Variants in TINAGL1 observed in about 807,000 individuals in gnomAD.
TINAGL1 encodes tubulointerstitial nephritis antigen like 1.
TINAGL1 carries 34 observed loss-of-function variants against 62.0 expected under a neutral mutation model. The ratio of observed to expected loss-of-function variants is 0.55; its 90% CI spans 0.42 to 0.73. The LOEUF is 0.73. Ranked by LOEUF, TINAGL1 falls within the 30% of genes least tolerant of loss-of-function variation. The probability of loss-of-function intolerance (pLI) is 0.00; values close to 1 mark genes in which losing one functional copy is unlikely to be tolerated. For missense variants in TINAGL1, 516 were observed against 653.2 expected (o/e 0.79, Z 2.29); for synonymous variants, 221 against 249.7 (o/e 0.88, Z 1.08).
At position 31,577,650 on chromosome 1, in the gene TINAGL1, G is replaced by A. The variant is rs1285459796; in HGVS notation, c.310+192G>A. The A allele has an allele frequency of 3.0e-6, 2 of 672,182 alleles. No individual in the cohort carries two copies. The highest frequency in any genetic ancestry group is 3.6e-5 in the African/African-American group (2 of 55,022). The allele number at this position is 672,182 out of a possible 1,614,324, so 41.6% of individuals were successfully genotyped here. ...AGCTCCTTGGTTAGAATTCTAATTTGGCCCAGGGAAAGGGCAACCTCCCAC... is the reference window on the plus strand; with the variant it reads ...AGCTCCTTGGTTAGAATTCTAATTTAGCCCAGGGAAAGGGCAACCTCCCAC... On this transcript the variant is annotated intron_variant, in intron 2 of 11. Coordinates refer to ENST00000271064, the MANE Select transcript of TINAGL1 (RefSeq NM_022164.3). This position sits in a 1 kb window ranked among gnomAD's most constrained non-coding sequence, Gnocchi z 5.4.
intron 11 of TINAGL1, 27 bp downstream of exon 11, chr1:31,586,782 C>A (rs1416367958): frequency 6.5e-7 from 1 of 1,550,338 alleles, no homozygotes; most frequent in African/African-American, 1.4e-5. Context: ...TTTCCCCGCC[C>A]CCTCTTCCCC....
Position 31,577,954 on chromosome 1 carries a change from G to C in TINAGL1, c.310+496G>C, listed in dbSNP as rs1166044728. 6.6e-6 allele frequency among the ~76,000 whole-genome samples: 1 copy of C among 152,198 alleles called. No individual in the cohort carries two copies. Among genetic ancestry groups the C allele is most frequent in the Non-Finnish European group, 1.5e-5 (1 of 68,048 alleles). On this transcript the variant is annotated intron_variant, in intron 2 of 11. Coordinates refer to ENST00000271064, the MANE Select transcript of TINAGL1 (RefSeq NM_022164.3). The surrounding 1 kb of genome is among the most constrained non-coding windows in gnomAD (Gnocchi z 5.4). ...CTTGCGTTCCTTCCCACAGTTCCATGGGGCTTGGGCCGGCAGACTGCATAC... is the reference window on the plus strand; with the variant it reads ...CTTGCGTTCCTTCCCACAGTTCCATCGGGCTTGGGCCGGCAGACTGCATAC...
chr1:31,581,341 C>T (rs975953040), intron 3 of TINAGL1, among the ~76,000 whole-genome samples: 2 of 152,044 alleles, frequency 1.3e-5, no homozygotes, highest in African/African-American at 2.4e-5. Flanking sequence ...AAGGCAGTGC[C>T]GGGGTCCAGG....
intron 3 of TINAGL1, 54 bp downstream of exon 3, chr1:31,579,321 CTT>C: frequency 6.6e-7 from 1 of 1,522,866 alleles, no homozygotes; most frequent in South Asian, 1.1e-5. Context: ...GGCTGACAGA[CTT>C]GGTTCAAATC....
chr1:31,583,104 C>A lies in TINAGL1; in HGVS notation c.375-45C>A. 1 of 1,572,376 alleles carries A rather than the reference C, an allele frequency of 6.4e-7. No individual in the cohort carries two copies. The highest frequency in any genetic ancestry group is 8.8e-7 in the Non-Finnish European group (1 of 1,142,238). ...CCGAGGCCACATTCCTTCAAAGTAT[C>A]CCCAGTCCCCCACTTACCCTTTCCT... On this transcript the variant is annotated intron_variant, in intron 3 of 11. Transcript: ENST00000271064. This position sits in a 1 kb window ranked among gnomAD's most constrained non-coding sequence, Gnocchi z 4.4.
Position 31,585,665 on chromosome 1 carries a change from C to G in TINAGL1, c.1094-88C>G, listed in dbSNP as rs1004027311. The G allele has an allele frequency of 2.2e-5, 34 of 1,549,298 alleles. No homozygotes were observed. The Middle Eastern group carries it at 5.2e-4, about 24-fold the overall frequency. On this transcript the variant is annotated intron_variant, in intron 9 of 11. Transcript: ENST00000271064. This position sits in a 1 kb window ranked among gnomAD's most constrained non-coding sequence, Gnocchi z 4.3. ...ACTTAGAGCTTTGGTATGGAGGGAC[C>G]CTGGTGCCTGGGCACATCTCAATAG...
chr1:31,585,654 T>C lies in TINAGL1; in HGVS notation c.1094-99T>C. ...CTGGAGGGAGCACTTAGAGCTTTGG[T>C]ATGGAGGGACCCTGGTGCCTGGGCA... On this transcript the variant is annotated intron_variant, in intron 9 of 11. Coordinates refer to ENST00000271064, the MANE Select transcript of TINAGL1 (RefSeq NM_022164.3). This position sits in a 1 kb window ranked among gnomAD's most constrained non-coding sequence, Gnocchi z 4.3. 1.3e-6 allele frequency: 2 copies of C among 1,544,690 alleles called. No individual in the cohort carries two copies. Among genetic ancestry groups the C allele is most frequent in the South Asian group, 1.3e-5 (1 of 79,352 alleles).
Position 31,587,200 on chromosome 1 carries a change from G to A in TINAGL1, c.*221G>A. On this transcript the variant is annotated 3_prime_UTR_variant, in exon 12 of 12. Coordinates refer to ENST00000271064, the MANE Select transcript of TINAGL1 (RefSeq NM_022164.3). ...CCCCAGACCTCCCAGTGGGGACGGG[G>A]CAGGGCCTGGCCTGGGAAGAGCACA... The A allele has an allele frequency of 1.7e-6, 1 of 577,670 alleles. No homozygotes were observed. The highest frequency in any genetic ancestry group is 2.6e-6 in the Non-Finnish European group (1 of 389,012). 35.8% of individuals were successfully genotyped at this position (577,670 alleles called of 1,614,324 possible). A position where few individuals can be genotyped will look rare whatever the true frequency, so the allele number is the denominator to read the frequency against.
chr1:31,580,392 A>G lies in TINAGL1; in HGVS notation c.374+1125A>G, dbSNP rs1369717165. 3 of 1,289,172 alleles carry G rather than the reference A, an allele frequency of 2.3e-6. No individual in the cohort carries two copies. In the African/African-American group the frequency reaches 4.6e-5, roughly 20 times the overall value. 79.9% of individuals were successfully genotyped at this position (1,289,172 alleles called of 1,614,324 possible). On this transcript the variant is annotated intron_variant, in intron 3 of 11. Coordinates refer to ENST00000271064, the MANE Select transcript of TINAGL1 (RefSeq NM_022164.3). ...ATGGCAGGAAAGGACAGAACAGTCT[A>G]CTGCCCTCTCCTCATGAAGGCTCTG...
chr1:31,576,670 A>C lies in TINAGL1; in HGVS notation c.-16+75A>C. ...ACAGGGGGAGGGGGCAGGTAGAGGA[A>C]CCAAGACAGATGGCAGAGAGAGGGA... is the stretch of plus-strand genomic sequence containing the variant. On this transcript the variant is annotated intron_variant, in intron 1 of 11. Transcript: ENST00000271064. The surrounding 1 kb of genome is among the most constrained non-coding windows in gnomAD (Gnocchi z 5.1). The C allele has an allele frequency of 6.4e-6, 1 of 156,972 alleles. No individual in the cohort carries two copies. The allele number at this position is 156,972 out of a possible 1,614,324, so 9.7% of individuals were successfully genotyped here.
In TINAGL1 at chr1:31,579,957, G is replaced by A. The variant is rs540860639; in HGVS notation, c.374+690G>A. 182 of 184,324 alleles carry A rather than the reference G, an allele frequency of 9.9e-4. 1 individual carries two copies. Among genetic ancestry groups the A allele is most frequent in the Non-Finnish European group, 1.5e-3 (131 of 86,664 alleles). The allele number at this position is 184,324 out of a possible 1,614,324, so 11.4% of individuals were successfully genotyped here. A position where few individuals can be genotyped will look rare whatever the true frequency, so the allele number is the denominator to read the frequency against. ...AAGGAAACTTTTTGGAATGCATTGC[G>A]CATAAGATATTTCCATTGCCTCACT... On this transcript the variant is annotated intron_variant, in intron 3 of 11. Coordinates refer to ENST00000271064, the MANE Select transcript of TINAGL1 (RefSeq NM_022164.3).
chr1:31,586,658 C>T, intron 10 of TINAGL1, 52 bp from the exon 11 acceptor site: 1 of 1,552,834 alleles, frequency 6.4e-7, no homozygotes, highest in Admixed American at 2.0e-5. Flanking sequence ...GATTGGAGCT[C>T]CTGAGAGCAG....
At position 31,584,278 on chromosome 1, in the gene TINAGL1, C is replaced by G. The variant is rs891481370; in HGVS notation, c.583-400C>G. On this transcript the variant is annotated intron_variant, in intron 5 of 11. Coordinates refer to ENST00000271064, the MANE Select transcript of TINAGL1 (RefSeq NM_022164.3). This position sits in a 1 kb window ranked among gnomAD's most constrained non-coding sequence, Gnocchi z 4.0. Reference sequence around the variant, plus strand: ...TGGCAGACTGCCTGGTCACGGGACCCTACTGCCTCTTCCCTCCCCTGAGGG... The same window carrying G: ...TGGCAGACTGCCTGGTCACGGGACCGTACTGCCTCTTCCCTCCCCTGAGGG... The G allele has an allele frequency of 5.0e-6, 1 of 200,852 alleles. No individual in the cohort carries two copies. Among genetic ancestry groups the G allele is most frequent in the African/African-American group, 2.3e-5 (1 of 43,542 alleles). 12.4% of individuals were successfully genotyped at this position (200,852 alleles called of 1,614,324 possible). A position where few individuals can be genotyped will look rare whatever the true frequency, so the allele number is the denominator to read the frequency against.
chr1:31,583,673 C>A lies in TINAGL1; in HGVS notation c.582+98C>A, dbSNP rs946559216. The A allele has an allele frequency of 9.6e-7, 1 of 1,038,882 alleles. No homozygotes were observed. The highest frequency in any genetic ancestry group is 1.4e-6 in the Non-Finnish European group (1 of 700,306). 64.4% of individuals were successfully genotyped at this position (1,038,882 alleles called of 1,614,324 possible). A position where few individuals can be genotyped will look rare whatever the true frequency, so the allele number is the denominator to read the frequency against. On this transcript the variant is annotated intron_variant, in intron 5 of 11. Coordinates refer to ENST00000271064, the MANE Select transcript of TINAGL1 (RefSeq NM_022164.3). This position sits in a 1 kb window ranked among gnomAD's most constrained non-coding sequence, Gnocchi z 4.4. Reference sequence around the variant, plus strand: ...CTGCTCCTCCAAGGGCCTGGACCATCCCCTACTACAAGGCTGTGTGTCCCT... The same window carrying A: ...CTGCTCCTCCAAGGGCCTGGACCATACCCTACTACAAGGCTGTGTGTCCCT...
chr1:31,577,207 T>C lies in TINAGL1; in HGVS notation c.59T>C (p.Leu20Pro). The change falls in exon 2 of 12, where the codon CTG becomes CCG. Residue 20 changes from leucine to proline, a missense_variant. By Grantham distance (98) the Leu-to-Pro change is moderately conservative. Coordinates refer to ENST00000271064, the MANE Select transcript of TINAGL1 (RefSeq NM_022164.3). The surrounding 1 kb of genome is among the most constrained non-coding windows in gnomAD (Gnocchi z 5.4). ...LLLPLAGHLA[L>P]GAQQGRGRRE... ...CTGCCGCTGGCTGGCCACTTGGCTC[T>C]GGGTGCCCAGCAGGGTCGTGGGCGC... 1 of 1,596,134 alleles carries C rather than the reference T, an allele frequency of 6.3e-7. No individual in the cohort carries two copies. The highest frequency in any genetic ancestry group is 8.5e-7 in the Non-Finnish European group (1 of 1,172,636).
intron 10 of TINAGL1, chr1:31,586,496 G>A (rs111508431): frequency 4.8e-6 from 3 of 619,972 alleles, no homozygotes; most frequent in African/African-American, 3.7e-5. Flanking sequence ...TGTCCCCTTG[G>A]TGCCCCACCC....
rs1338530432 is a variant in TINAGL1, at chr1:31,577,016, T to C, written c.-15-118T>C. ...CTCTGCCCGTGTCCTGCCTGGGGAC[T>C]CAGGAATCGGGATCTCCCTCCCTGC... On this transcript the variant is annotated intron_variant, in intron 1 of 11. Transcript: ENST00000271064. This position sits in a 1 kb window ranked among gnomAD's most constrained non-coding sequence, Gnocchi z 5.4. 5 of 934,320 alleles carry C rather than the reference T, an allele frequency of 5.4e-6. No homozygotes were observed. Among genetic ancestry groups the C allele is most frequent in the Non-Finnish European group, 7.7e-6 (5 of 649,856 alleles). The allele number at this position is 934,320 out of a possible 1,614,324, so 57.9% of individuals were successfully genotyped here. A position where few individuals can be genotyped will look rare whatever the true frequency, so the allele number is the denominator to read the frequency against.
At chr1:31,586,661 G>A in intron 10 of TINAGL1, 49 bp from the exon 11 acceptor site, 1 of 1,553,490 alleles carries the variant, frequency 6.4e-7, no homozygotes, top group Non-Finnish European at 8.7e-7. Flanking sequence ...TGGAGCTCCT[G>A]AGAGCAGGTA....
At chr1:31,580,865 C>T in intron 3 of TINAGL1, 1 of 1,033,378 alleles carries the variant, frequency 9.7e-7, no homozygotes, top group Non-Finnish European at 1.2e-6. Flanking sequence ...CAGACACAGT[C>T]CTTGTCCCAT....
Sources: allele counts gnomAD v4.1 joint callset (sites outside exome capture counted in the v4.1 genomes callset), GRCh38; gene constraint gnomAD v4.1.1; non-coding constraint Gnocchi (gnomAD v3.1); transcripts MANE v1.5; gene names NCBI Gene and HGNC (gene_info 2026-07-23, HGNC 2026-07-21).